Variants in SNX13 observed in about 807,000 individuals in gnomAD.
The protein encoded by SNX13 is sorting nexin-13.
Under a neutral mutation model 133.6 loss-of-function variants are expected in SNX13, and 45 were observed. That is an observed-to-expected ratio of 0.34 (90% CI 0.27 to 0.43). SNX13 has a LOEUF of 0.43. SNX13 is among the 20% of genes least tolerant of loss of function. The probability of loss-of-function intolerance (pLI) is 1.00; values close to 1 mark genes in which losing one functional copy is unlikely to be tolerated. For missense variants in SNX13, 1,032 were observed against 1,145.1 expected (o/e 0.90, Z 1.43); for synonymous variants, 414 against 373.9 (o/e 1.11, Z -1.24).
At chr7:17,904,586 G>A (rs1364167275) in intron 1 of SNX13, among the ~76,000 whole-genome samples, 2 of 152,056 alleles carry the variant, frequency 1.3e-5, no homozygotes, top group South Asian at 4.1e-4. Flanking sequence ...AAGGAACTTC[G>A]ACTCTGAGAT....
chr7:17,908,900 T>C (rs1413188792), intron 1 of SNX13, among the ~76,000 whole-genome samples: 1 of 152,100 alleles, frequency 6.6e-6, no homozygotes, highest in Non-Finnish European at 1.5e-5. Flanking sequence ...AGGAAGCATC[T>C]TGGAAAATGC....
intron 2 of SNX13, among the ~76,000 whole-genome samples, chr7:17,895,350 T>C (rs1369208039): frequency 6.6e-6 from 1 of 152,166 alleles, no homozygotes; most frequent in African/African-American, 2.4e-5. Flanking sequence ...GATGAAAGTA[T>C]CCTACAACAA....
intron 8 of SNX13, among the ~76,000 whole-genome samples, chr7:17,871,155 G>A (rs1211315512): frequency 3.3e-5 from 5 of 152,024 alleles, no homozygotes; most frequent in African/African-American, 7.2e-5. Flanking sequence ...ACAGGCGCCT[G>A]CCACCATGCC....
chr7:17,866,997 C>G (rs543179741), intron 9 of SNX13, among the ~76,000 whole-genome samples: 2 of 152,128 alleles, frequency 1.3e-5, no homozygotes, highest in East Asian at 3.9e-4. Context: ...TCTTACATAT[C>G]CATAATTTTT....
intron 1 of SNX13, among the ~76,000 whole-genome samples, chr7:17,911,597 C>A (rs1443759640): frequency 6.7e-6 from 1 of 149,652 alleles, no homozygotes; most frequent in Admixed American, 6.6e-5. Flanking sequence ...AAGATCGCGC[C>A]ACTGCACTCC....
intron 15 of SNX13, among the ~76,000 whole-genome samples, chr7:17,833,469 A>G (rs1788758313): frequency 6.6e-6 from 1 of 151,648 alleles, no homozygotes; most frequent in Non-Finnish European, 1.5e-5. Flanking sequence ...ATAGAATGGG[A>G]GTAAAATCGA....
At chr7:17,837,058 C>T (rs1308333434) in intron 13 of SNX13, among the ~76,000 whole-genome samples, 1 of 151,892 alleles carries the variant, frequency 6.6e-6, no homozygotes, top group Non-Finnish European at 1.5e-5. Context: ...TGATTTTTAG[C>T]TCTGCTCTTT....
chr7:17,912,219 T>C (rs117266145), intron 1 of SNX13, among the ~76,000 whole-genome samples: 1 of 152,168 alleles, frequency 6.6e-6, no homozygotes, highest in East Asian at 1.9e-4. Context: ...GAAGCTCCAG[T>C]ACATGAAAGG....
intron 18 of SNX13, 116 bp from the exon 19 acceptor site, chr7:17,816,405 T>C: frequency 2.4e-6 from 3 of 1,252,842 alleles, no homozygotes; most frequent in Non-Finnish European, 2.1e-6. Flanking sequence ...CTCACGCCTG[T>C]AATCCCAGCA....
intron 5 of SNX13, among the ~76,000 whole-genome samples, chr7:17,876,260 G>A (rs994413250): frequency 1.3e-5 from 2 of 152,068 alleles, no homozygotes; most frequent in South Asian, 2.1e-4. Flanking sequence ...TGTTCTGAAC[G>A]TTCTGTTTGA....
intron 1 of SNX13, among the ~76,000 whole-genome samples, chr7:17,919,767 C>T (rs62446894): frequency 0.012 from 1,790 of 152,260 alleles, 20 homozygotes; most frequent in Non-Finnish European, 0.021. Context: ...TTTTATCTTG[C>T]ACATCTAAAA....
chr7:17,932,079 C>T (rs1447663024), intron 1 of SNX13, among the ~76,000 whole-genome samples: 2 of 152,140 alleles, frequency 1.3e-5, no homozygotes, highest in Non-Finnish European at 2.9e-5. Flanking sequence ...CAAATTGAAA[C>T]AGTCAACAAA....
chr7:17,830,040 A>G lies in SNX13; in HGVS notation c.1605T>C (p.Phe535=). 3 of 1,532,104 alleles carry G rather than the reference A, an allele frequency of 2.0e-6. No homozygotes were observed. The highest frequency in any genetic ancestry group is 1.2e-5 in the South Asian group (1 of 81,186). 94.9% of individuals were successfully genotyped at this position (1,532,104 alleles called of 1,614,324 possible). A position where few individuals can be genotyped will look rare whatever the true frequency, so the allele number is the denominator to read the frequency against. Residue 535 remains phenylalanine, a synonymous_variant, in exon 16 of 26, where the codon TTT becomes TTC. Transcript: ENST00000428135. ...RGSDDGDGES[F]NGSPTGSINL... is the part of the protein sequence containing the mutation. Reference sequence around the variant, plus strand: ...TTATGCTTCCTGTAGGAGACCCATTAAAAGATTCTGCAGGGGGGAAATTCA... The same window carrying G: ...TTATGCTTCCTGTAGGAGACCCATTGAAAGATTCTGCAGGGGGGAAATTCA...
At chr7:17,866,608 A>T (rs1208261047) in intron 9 of SNX13, among the ~76,000 whole-genome samples, 10 of 152,242 alleles carry the variant, frequency 6.6e-5, no homozygotes, top group African/African-American at 2.4e-4. Context: ...TGTTAAGTCA[A>T]ATTAACCATG....
At chr7:17,831,386 C>G in intron 15 of SNX13, 1 of 838,716 alleles carries the variant, frequency 1.2e-6, no homozygotes, top group Non-Finnish European at 1.4e-6. Context: ...GAGAAAATAT[C>G]TACTTTTAAA....
chr7:17,826,211 A>G (rs1304293280), intron 16 of SNX13, 120 bp from the exon 17 acceptor site: 3 of 554,148 alleles, frequency 5.4e-6, no homozygotes, highest in Non-Finnish European at 9.5e-6. Context: ...ACTATATATT[A>G]TTTGTATACC....
chr7:17,868,520 T>C, intron 8 of SNX13, 30 bp from the exon 9 acceptor site: 1 of 1,496,848 alleles, frequency 6.7e-7, no homozygotes, highest in Non-Finnish European at 9.2e-7. Context: ...CAAAAACAAA[T>C]TTAATCTATT....
chr7:17,824,423 T>C (rs568591167), intron 17 of SNX13, among the ~76,000 whole-genome samples: 5 of 152,108 alleles, frequency 3.3e-5, no homozygotes, highest in Non-Finnish European at 2.9e-5. Flanking sequence ...TGAAGTCCAG[T>C]TGGTAAAATA....
intron 5 of SNX13, among the ~76,000 whole-genome samples, chr7:17,886,511 T>C (rs1231645261): frequency 6.6e-6 from 1 of 151,888 alleles, no homozygotes; most frequent in African/African-American, 2.4e-5. Context: ...GAGGTTGCAG[T>C]GAGCCGAGAT....
Sources: gnomAD v4.1 joint callset for allele counts (sites outside exome capture counted in the v4.1 genomes callset) on GRCh38, gnomAD v4.1.1 for gene constraint, MANE v1.5 for transcripts, NCBI Gene and HGNC (gene_info 2026-07-23, HGNC 2026-07-21) for gene names.